MFSD6: variants seen among roughly 807,000 people sequenced by gnomAD.
MFSD6 encodes major facilitator superfamily domain containing 6, also known as major facilitator superfamily domain-containing protein 6.
A neutral mutation model predicts 56.3 loss-of-function variants in MFSD6; 26 were observed. That is an observed-to-expected ratio of 0.46 (90% CI 0.34 to 0.64). The LOEUF is 0.64. MFSD6 is among the 30% of genes least tolerant of loss of function. MFSD6 has a pLI of 0.01. For missense variants in MFSD6, 750 were observed against 986.2 expected, an observed-to-expected ratio of 0.76 and a Z score of 3.21; for synonymous variants, 331 against 366.9, an observed-to-expected ratio of 0.90 and a Z score of 1.12.
chr2:190,500,097 A>G lies in MFSD6; in HGVS notation c.2255A>G (p.Asn752Ser). 6.2e-7 allele frequency: 1 copy of G among 1,614,130 alleles called. No homozygotes were observed. The highest frequency in any genetic ancestry group is 1.3e-5 in the African/African-American group (1 of 75,030). Reference protein sequence around the residue: ...PCETHSDPSRNQPSPDAAASQ... With the variant: ...PCETHSDPSRSQPSPDAAASQ... ...GAGACTCACTCTGACCCATCTAGAA[A>G]CCAGCCATCCCCTGACGCAGCAGCA... is the stretch of plus-strand genomic sequence containing the variant. Residue 752 changes from asparagine to serine, a missense_variant, in exon 8 of 8, where the codon AAC (asparagine) becomes AGC (serine). Asn to Ser is a conservative substitution (Grantham distance 46, BLOSUM62 1). This residue lies in a region of MFSD6 where 172 missense variants were observed against 203.9 expected (regional missense o/e 0.84). Coordinates refer to ENST00000392328, the MANE Select transcript of MFSD6 (RefSeq NM_017694.4). The surrounding 1 kb of genome is among the most constrained non-coding windows in gnomAD (Gnocchi z 5.3).
Position 190,443,576 on chromosome 2 carries a change from T to A in MFSD6, c.1532+6015T>A, listed in dbSNP as rs1353457358. On this transcript the variant is annotated intron_variant, in intron 3 of 7. Transcript: ENST00000392328. This position sits in a 1 kb window ranked among gnomAD's most constrained non-coding sequence, Gnocchi z 4.2. ...TGATTAAACCTGCAAAGTCAAGATG[T>A]TTATGATTTTCAAAATAACTAACAT... 2.0e-5 allele frequency among the ~76,000 whole-genome samples: 3 copies of A among 152,174 alleles called. No individual in the cohort carries two copies. In the East Asian group the frequency reaches 5.8e-4, roughly 29 times the overall value.
rs1690745528 is a variant in MFSD6 at position 190,415,683 on chromosome 2, A to G, written c.-54+270A>G. 1.3e-5 allele frequency among the ~76,000 whole-genome samples: 2 copies of G among 152,228 alleles called. No homozygotes were observed. Among genetic ancestry groups the G allele is most frequent in the African/African-American group, 4.8e-5 (2 of 41,456 alleles). Reference sequence around the variant, plus strand: ...ATCAGAACCCTAACAGCAAAATAAAACAATTTTAGATTACATATATGGGAA... The same window carrying G: ...ATCAGAACCCTAACAGCAAAATAAAGCAATTTTAGATTACATATATGGGAA... On this transcript the variant is annotated intron_variant, in intron 2 of 7. Coordinates refer to ENST00000392328, the MANE Select transcript of MFSD6 (RefSeq NM_017694.4). This position sits in a 1 kb window ranked among gnomAD's most constrained non-coding sequence, Gnocchi z 4.5.
At chr2:190,422,966 G>T (rs977415303) in intron 2 of MFSD6, among the ~76,000 whole-genome samples, 5 of 151,910 alleles carry the variant, frequency 3.3e-5, no homozygotes, top group Admixed American at 2.6e-4. Flanking sequence ...AACACTTCAT[G>T]AAATAAAGCC....
At position 190,467,788 on chromosome 2, in the gene MFSD6, ATTATT is replaced by A. The variant is rs1687684960; in HGVS notation, c.1533-1965_1533-1961del. On this transcript the variant is annotated intron_variant, in intron 3 of 7. Coordinates refer to ENST00000392328, the MANE Select transcript of MFSD6 (RefSeq NM_017694.4). This position sits in a 1 kb window ranked among gnomAD's most constrained non-coding sequence, Gnocchi z 5.5. ...GAATAAGATTTTGTGACACATGAAA[ATTATT>A]TTATGAAGTTTGCATTTCAGTGTTC... 6.6e-6 allele frequency among the ~76,000 whole-genome samples: 1 copy of A among 152,170 alleles called. No homozygotes were observed. Among genetic ancestry groups the A allele is most frequent in the African/African-American group, 2.4e-5 (1 of 41,440 alleles).
intron 4 of MFSD6, among the ~76,000 whole-genome samples, chr2:190,470,199 T>A (rs1687834852): frequency 6.6e-6 from 1 of 152,248 alleles, no homozygotes; most frequent in African/African-American, 2.4e-5. Flanking sequence ...GTTTTTGGTG[T>A]TTTTAGTTTT....
intron 3 of MFSD6, among the ~76,000 whole-genome samples, chr2:190,460,807 G>C (rs1452067837): frequency 6.6e-6 from 1 of 152,220 alleles, no homozygotes; most frequent in Non-Finnish European, 1.5e-5. Flanking sequence ...ATCCCTGCGA[G>C]TGGGAGGACT....
At chr2:190,493,440 C>T (rs535552620) in intron 6 of MFSD6, among the ~76,000 whole-genome samples, 4 of 152,192 alleles carry the variant, frequency 2.6e-5, no homozygotes, top group South Asian at 2.1e-4. Flanking sequence ...TAGTGGGAGA[C>T]GTCAGTACTC....
Position 190,485,938 on chromosome 2 carries a change from GGACT to G in MFSD6, c.1631-2714_1631-2711del, listed in dbSNP as rs1279197241. Among the ~76,000 whole-genome samples the G allele has an allele frequency of 6.6e-6, 1 of 152,112 alleles. No individual in the cohort carries two copies. The highest frequency in any genetic ancestry group is 6.5e-5 in the Admixed American group (1 of 15,278). ...GTAAAAACAGTGTTTATTCCATTATGGACTGACTTAAGTAATATCATCCCTGATA... is the reference window on the plus strand; with the variant it reads ...GTAAAAACAGTGTTTATTCCATTATGGACTTAAGTAATATCATCCCTGATA... On this transcript the variant is annotated intron_variant, in intron 4 of 7. Transcript: ENST00000392328. This position sits in a 1 kb window ranked among gnomAD's most constrained non-coding sequence, Gnocchi z 5.1.
At chr2:190,477,932 T>C (rs1403458244) in intron 4 of MFSD6, among the ~76,000 whole-genome samples, 1 of 144,516 alleles carries the variant, frequency 6.9e-6, no homozygotes, top group Non-Finnish European at 1.6e-5. Context: ...CTAAAGAGAG[T>C]AGGCATTCCA....
At position 190,447,749 on chromosome 2, in the gene MFSD6, A is replaced by AAAT. The variant is rs1250424853; in HGVS notation, c.1532+10188_1532+10189insAAT. On this transcript the variant is annotated intron_variant, in intron 3 of 7. Transcript: ENST00000392328. The surrounding 1 kb of genome is among the most constrained non-coding windows in gnomAD (Gnocchi z 4.5). The stretch of plus-strand genomic sequence containing the variant: ...TCTGGAGGAAAAGCCCCTTGGAGCT[A>AAAT]TTTAAAATACAGGTTCTCATTATCA... Among the ~76,000 whole-genome samples the AAAT allele has an allele frequency of 6.6e-6, 1 of 152,198 alleles. No individual in the cohort carries two copies. The highest frequency in any genetic ancestry group is 1.9e-4 in the East Asian group (1 of 5,206).
intron 2 of MFSD6, among the ~76,000 whole-genome samples, chr2:190,430,880 C>A (rs574501370): frequency 6.6e-6 from 1 of 150,526 alleles, no homozygotes; most frequent in Admixed American, 6.6e-5. Flanking sequence ...GGGCGGCTGC[C>A]GGGCGGAGAC....
rs533176041 is a variant in MFSD6, at chr2:190,501,384, T to C, written c.*1166T>C. On this transcript the variant is annotated 3_prime_UTR_variant, in exon 8 of 8. Coordinates refer to ENST00000392328, the MANE Select transcript of MFSD6 (RefSeq NM_017694.4). ...GTCAGACACTGGACAATGTAATGTA[T>C]GCAACTGCAAACGTTACAACTGCAG... is the stretch of plus-strand genomic sequence containing the variant. 18 of 152,320 alleles carry C rather than the reference T, an allele frequency of 1.2e-4. No homozygotes were observed. The East Asian group carries it at 2.5e-3, about 21-fold the overall frequency. The allele number at this position is 152,320 out of a possible 1,614,324, so 9.4% of individuals were successfully genotyped here.
intron 3 of MFSD6, among the ~76,000 whole-genome samples, chr2:190,448,923 G>T (rs934109836): frequency 6.6e-6 from 1 of 152,168 alleles, no homozygotes; most frequent in South Asian, 2.1e-4. Flanking sequence ...CCGTCCTCCT[G>T]TAGAAGAGCC....
At chr2:190,452,158 A>G (rs1686795640) in intron 3 of MFSD6, among the ~76,000 whole-genome samples, 1 of 152,064 alleles carries the variant, frequency 6.6e-6, no homozygotes, top group African/African-American at 2.4e-5. Context: ...ATAAGTTTAA[A>G]AATCTCCAAT....
chr2:190,420,954 A>G (rs926085645), intron 2 of MFSD6, among the ~76,000 whole-genome samples: 1 of 152,242 alleles, frequency 6.6e-6, no homozygotes, highest in Non-Finnish European at 1.5e-5. Flanking sequence ...AAACATTTCC[A>G]TAACGACTTT....
In MFSD6 at chr2:190,425,650, T is replaced by C. The variant is rs978646197; in HGVS notation, c.-54+10237T>C. ...TAGCTTATTAACATGGTAGATTGAA[T>C]TGACTGACTTTGAAATATTGCATCA... On this transcript the variant is annotated intron_variant, in intron 2 of 7. Transcript: ENST00000392328. The surrounding 1 kb of genome is among the most constrained non-coding windows in gnomAD (Gnocchi z 4.3). 6.6e-5 allele frequency among the ~76,000 whole-genome samples: 10 copies of C among 152,208 alleles called. No homozygotes were observed. The highest frequency in any genetic ancestry group is 2.4e-4 in the African/African-American group (10 of 41,460).
rs1049127955 is a variant in MFSD6 at position 190,502,050 on chromosome 2, T to G, written c.*1832T>G. On this transcript the variant is annotated 3_prime_UTR_variant, in exon 8 of 8. Coordinates refer to ENST00000392328, the MANE Select transcript of MFSD6 (RefSeq NM_017694.4). This position sits in a 1 kb window ranked among gnomAD's most constrained non-coding sequence, Gnocchi z 4.4. ...GTTTTGGAAATGCACAGTTGACATG[T>G]TGAAATAAAAATGAATACCATTTTT... is the stretch of plus-strand genomic sequence containing the variant. The G allele has an allele frequency of 1.3e-5, 2 of 152,656 alleles. No homozygotes were observed. The highest frequency in any genetic ancestry group is 2.9e-5 in the Non-Finnish European group (2 of 68,046). The allele number at this position is 152,656 out of a possible 1,614,324, so 9.5% of individuals were successfully genotyped here.
chr2:190,469,910 A>AG lies in MFSD6; in HGVS notation c.1630+55_1630+56insG. ...TCTCTGCCTTCCCTGAGCTGTGGCT[A>AG]AAAGCCCAGTGGCCTTCAGCATCTG... On this transcript the variant is annotated intron_variant, in intron 4 of 7. Coordinates refer to ENST00000392328, the MANE Select transcript of MFSD6 (RefSeq NM_017694.4). The surrounding 1 kb of genome is among the most constrained non-coding windows in gnomAD (Gnocchi z 5.3). 1 of 1,312,022 alleles carries AG rather than the reference A, an allele frequency of 7.6e-7. No individual in the cohort carries two copies. Among genetic ancestry groups the AG allele is most frequent in the South Asian group, 1.2e-5 (1 of 80,890 alleles). 81.3% of individuals were successfully genotyped at this position (1,312,022 alleles called of 1,614,324 possible).
At position 190,437,031 on chromosome 2, in the gene MFSD6, C is replaced by G. The variant is rs1245076232; in HGVS notation, c.1002C>G (p.Gly334=). 6.2e-7 allele frequency: 1 copy of G among 1,614,098 alleles called. No homozygotes were observed. The highest frequency in any genetic ancestry group is 1.3e-5 in the African/African-American group (1 of 74,934). Residue 334 remains glycine (G), a synonymous_variant, in exon 3 of 8, where the codon GGC becomes GGG. Transcript: ENST00000392328. This position sits in a 1 kb window ranked among gnomAD's most constrained non-coding sequence, Gnocchi z 5.9. ...YGLQRMWGSL[G]WGLAMLSVGI... is the part of the protein sequence containing the mutation. ...TGCAGCGCATGTGGGGCTCCCTGGG[C>G]TGGGGCCTGGCGATGCTGTCTGTGG...
Sources: gnomAD v4.1 joint callset for allele counts (sites outside exome capture counted in the v4.1 genomes callset) on GRCh38, gnomAD v4.1.1 for gene constraint, gnomAD v4.1.1 regional missense constraint, Gnocchi (gnomAD v3.1) non-coding constraint, MANE v1.5 for transcripts, NCBI Gene and HGNC (gene_info 2026-07-23, HGNC 2026-07-21) for gene names.